Variants in DMGDH observed in about 807,000 individuals in gnomAD.
DMGDH encodes dimethylglycine dehydrogenase.
In DMGDH, 76 loss-of-function variants were observed where a neutral mutation model predicts 95.2. The observed-to-expected ratio is 0.80, with a 90% CI of 0.66 to 0.97. The LOEUF is 0.97. DMGDH is among the 50% of genes least tolerant of loss of function. The probability of loss-of-function intolerance (pLI) is 0.00; values close to 1 mark genes in which losing one functional copy is unlikely to be tolerated. For synonymous variants in DMGDH, 345 were observed against 377.6 expected, an observed-to-expected ratio of 0.91 and a Z score of 1.00; for missense variants, 987 against 1,055.0, an observed-to-expected ratio of 0.94 and a Z score of 0.89.
chr5:79,050,536 C>T lies in DMGDH; in HGVS notation c.745+751G>A, dbSNP rs184610690. On this transcript the variant is annotated intron_variant, in intron 5 of 15. Coordinates refer to ENST00000255189, the MANE Select transcript of DMGDH (RefSeq NM_013391.3). The stretch of plus-strand genomic sequence containing the variant: ...CCAGTTTAGACTGCACAAGCATTTT[C>T]ACTGTAATTTATTTTGCATGTGTGA... Among the ~76,000 whole-genome samples the T allele has an allele frequency of 1.1e-3, 163 of 152,232 alleles. 2 individuals carry two copies. The highest frequency in any genetic ancestry group is 2.0e-3 in the Non-Finnish European group (133 of 68,022).
intron 14 of DMGDH, chr5:79,021,003 A>T: frequency 5.1e-6 from 5 of 985,434 alleles, no homozygotes; most frequent in Non-Finnish European, 6.0e-6. Flanking sequence ...CTCCAACTAA[A>T]CAAAGGCTAC....
intron 7 of DMGDH, among the ~76,000 whole-genome samples, chr5:79,035,748 G>A (rs1048414227): frequency 1.3e-5 from 2 of 151,410 alleles, no homozygotes; most frequent in African/African-American, 4.9e-5. Flanking sequence ...GGGCGGGGGG[G>A]GAATCCTGAA....
chr5:79,020,918 A>C, intron 14 of DMGDH: 1 of 985,404 alleles, frequency 1.0e-6, no homozygotes, highest in Non-Finnish European at 1.2e-6. Flanking sequence ...CACCATGAAA[A>C]TTCCAGGAAT....
intron 13 of DMGDH, among the ~76,000 whole-genome samples, chr5:79,025,600 A>G (rs1028974753): frequency 6.6e-6 from 1 of 152,226 alleles, no homozygotes; most frequent in African/African-American, 2.4e-5. Context: ...AGTAAACAGA[A>G]GTTCTGGAGG....
intron 14 of DMGDH, among the ~76,000 whole-genome samples, chr5:79,023,082 T>C (rs1227272515): frequency 2.6e-5 from 4 of 152,170 alleles, no homozygotes; most frequent in Non-Finnish European, 5.9e-5. Flanking sequence ...AGGTTCGTTT[T>C]CCTAAAATCT....
intron 15 of DMGDH, among the ~76,000 whole-genome samples, chr5:79,003,697 C>T (rs1251658299): frequency 6.6e-6 from 1 of 152,182 alleles, no homozygotes; most frequent in East Asian, 1.9e-4. Flanking sequence ...TTCCTGTAAT[C>T]CCAGCACTTC....
At chr5:79,018,611 T>G (rs2112609287) in intron 14 of DMGDH, among the ~76,000 whole-genome samples, 1 of 152,300 alleles carries the variant, frequency 6.6e-6, no homozygotes, top group South Asian at 2.1e-4. Context: ...ATGGTTTCAC[T>G]GCTGTATCAT....
intron 7 of DMGDH, among the ~76,000 whole-genome samples, chr5:79,040,758 A>G (rs1228016884): frequency 1.3e-5 from 2 of 152,226 alleles, no homozygotes; most frequent in African/African-American, 2.4e-5. Context: ...TCCATAGCTA[A>G]ACAATAAAAA....
Position 79,069,609 on chromosome 5 carries a change from G to T in DMGDH, c.12C>A (p.Pro4=). 2 of 1,373,828 alleles carry T rather than the reference G, an allele frequency of 1.5e-6. No individual in the cohort carries two copies. Among genetic ancestry groups the T allele is most frequent in the Non-Finnish European group, 1.9e-6 (2 of 1,061,870 alleles). 85.1% of individuals were successfully genotyped at this position (1,373,828 alleles called of 1,614,324 possible). MLR[P]GAQLLRGLLL... ...GGAGGCCCCGCAGCAGCTGCGCGCC[G>T]GGACGGAGCATGACTAGGCCGAGGC... is the stretch of plus-strand genomic sequence containing the variant. The change falls in exon 1 of 16, where the codon CCC becomes CCA. Residue 4 remains proline (P), a synonymous_variant. Transcript: ENST00000255189.
intron 4 of DMGDH, among the ~76,000 whole-genome samples, chr5:79,051,856 A>G (rs1754875453): frequency 6.6e-6 from 1 of 152,248 alleles, no homozygotes; most frequent in African/African-American, 2.4e-5. Flanking sequence ...CAATCATTCA[A>G]CAATTAATTC....
intron 1 of DMGDH, among the ~76,000 whole-genome samples, chr5:79,068,289 C>G (rs971929636): frequency 2.0e-5 from 3 of 151,496 alleles, no homozygotes; most frequent in African/African-American, 7.3e-5. Flanking sequence ...GTTAAATTTC[C>G]ATTTTATTTT....
At chr5:79,053,816 C>T (rs553603696) in intron 4 of DMGDH, among the ~76,000 whole-genome samples, 1 of 152,290 alleles carries the variant, frequency 6.6e-6, no homozygotes, top group East Asian at 1.9e-4. Flanking sequence ...ATTTTTAAAA[C>T]ATTTTAATAC....
intron 7 of DMGDH, among the ~76,000 whole-genome samples, chr5:79,038,303 G>C (rs1004549336): frequency 6.6e-6 from 1 of 152,060 alleles, no homozygotes; most frequent in Admixed American, 6.6e-5. Flanking sequence ...GGCCAAAATG[G>C]GAAAACCCCA....
chr5:79,028,424 C>G lies in DMGDH; in HGVS notation c.2032+9G>C. 2 of 1,602,948 alleles carry G rather than the reference C, an allele frequency of 1.2e-6. No homozygotes were observed. Among genetic ancestry groups the G allele is most frequent in the Non-Finnish European group, 1.7e-6 (2 of 1,170,134 alleles). ...CAGAGACTTAGTCCAGGTTGTTTTC[C>G]AATCTTACCAGTATAAGATATCCTA... On this transcript the variant is annotated intron_variant, in intron 12 of 15. Transcript: ENST00000255189.
rs1201143728 is a variant in DMGDH at position 79,044,384 on chromosome 5, T to C, written c.914A>G (p.Asp305Gly). 6 of 1,614,012 alleles carry C rather than the reference T, an allele frequency of 3.7e-6. No individual in the cohort carries two copies. In the Admixed American group the frequency reaches 1.0e-4, roughly 27 times the overall value. ...EGSYYLRQER[D>G]GLLFGPYESQ... ...TTCATATGGACCAAACAAAAGCCCA[T>C]CCCTTTCCTGTCGGAGATAATATGA... The change falls in exon 6 of 16, where the codon GAT (aspartate) becomes GGT (glycine). Residue 305 changes from aspartate (D) to glycine (G), a missense_variant. Asp to Gly is a moderately conservative substitution (Grantham distance 94). Transcript: ENST00000255189.
chr5:79,008,957 C>G (rs1753594577), intron 14 of DMGDH, among the ~76,000 whole-genome samples: 1 of 152,136 alleles, frequency 6.6e-6, no homozygotes, highest in African/African-American at 2.4e-5. Flanking sequence ...TAAACTGAGG[C>G]TCAGTTACAT....
chr5:79,021,196 A>T (rs1264184700), intron 14 of DMGDH: 9 of 995,802 alleles, frequency 9.0e-6, no homozygotes, highest in Non-Finnish European at 1.1e-5. Flanking sequence ...ACTTCCCACA[A>T]GATGGCAGTG....
At chr5:79,040,156 C>G (rs1439363232) in intron 7 of DMGDH, among the ~76,000 whole-genome samples, 1 of 152,140 alleles carries the variant, frequency 6.6e-6, no homozygotes, top group Non-Finnish European at 1.5e-5. Flanking sequence ...GAAGTGAGAG[C>G]AGTCTTGTGG....
In DMGDH at chr5:79,010,901, C is replaced by A. The variant is rs555224943; in HGVS notation, c.2251-5494G>T. ...AAGTGGCAGAGTGGAGATGGAAATC[C>A]AGATGACAGGCTGTGCCACTATCCT... is the stretch of plus-strand genomic sequence containing the variant. On this transcript the variant is annotated intron_variant, in intron 14 of 15. Transcript: ENST00000255189. 1.2e-4 allele frequency among the ~76,000 whole-genome samples: 19 copies of A among 152,170 alleles called. No individual in the cohort carries two copies. The South Asian group carries it at 4.0e-3, about 32-fold the overall frequency.
Sources: allele counts gnomAD v4.1 joint callset (sites outside exome capture counted in the v4.1 genomes callset), GRCh38; gene constraint gnomAD v4.1.1; transcripts MANE v1.5; gene names NCBI Gene and HGNC (gene_info 2026-07-23, HGNC 2026-07-21).